SNX9: variants seen among roughly 807,000 people sequenced by gnomAD.
SNX9 encodes the protein sorting nexin-9.
SNX9 carries 44 observed loss-of-function variants against 89.4 expected under a neutral mutation model. The ratio of observed to expected loss-of-function variants is 0.49; its 90% CI spans 0.39 to 0.63. SNX9 has a LOEUF of 0.63. SNX9 is among the 30% of genes least tolerant of loss of function. The pLI is 0.00. For missense variants in SNX9, 578 were observed against 736.1 expected (o/e 0.79, Z 2.49); for synonymous variants, 236 against 247.8 (o/e 0.95, Z 0.45).
intron 4 of SNX9, among the ~76,000 whole-genome samples, chr6:157,889,983 G>A (rs540395569): frequency 6.6e-6 from 1 of 152,284 alleles, no homozygotes; most frequent in African/African-American, 2.4e-5. Context: ...GGGACTAAGA[G>A]AGCTAAGTAA....
At chr6:157,882,273 A>G (rs1433110860) in intron 4 of SNX9, among the ~76,000 whole-genome samples, 1 of 152,204 alleles carries the variant, frequency 6.6e-6, no homozygotes, top group Non-Finnish European at 1.5e-5. Context: ...TTTCAAGCCC[A>G]CTGTTGAGAC....
intron 1 of SNX9, among the ~76,000 whole-genome samples, chr6:157,835,505 C>T (rs1781565939): frequency 6.6e-6 from 1 of 151,156 alleles, no homozygotes; most frequent in South Asian, 2.1e-4. Flanking sequence ...CTTGAACTCC[C>T]ACACTGAAGC....
At chr6:157,941,122 TCTC>T (rs1583251669) in intron 17 of SNX9, 148 bp downstream of exon 17, 3 of 663,262 alleles carry the variant, frequency 4.5e-6, no homozygotes, top group East Asian at 5.6e-5. Context: ...ATTTTTTTAA[TCTC>T]CTAATTCCAT....
At chr6:157,857,065 A>G (rs1297241974) in intron 1 of SNX9, among the ~76,000 whole-genome samples, 2 of 152,186 alleles carry the variant, frequency 1.3e-5, no homozygotes, top group Non-Finnish European at 2.9e-5. Flanking sequence ...TTTATTTACC[A>G]GTTGTCAAAA....
At chr6:157,934,701 A>G (rs1282765402) in intron 13 of SNX9, among the ~76,000 whole-genome samples, 3 of 152,238 alleles carry the variant, frequency 2.0e-5, no homozygotes, top group Non-Finnish European at 2.9e-5. Context: ...AGCAATTAAG[A>G]TTTTTAAAAT....
At chr6:157,893,720 TA>T (rs1782912526) in intron 4 of SNX9, among the ~76,000 whole-genome samples, 1 of 152,124 alleles carries the variant, frequency 6.6e-6, no homozygotes, top group Non-Finnish European at 1.5e-5. Flanking sequence ...AAGGCATGAA[TA>T]ATTTTAATCA....
At chr6:157,919,740 GTT>G (rs1416090736) in intron 9 of SNX9, among the ~76,000 whole-genome samples, 3 of 151,286 alleles carry the variant, frequency 2.0e-5, no homozygotes, top group Non-Finnish European at 4.4e-5. Context: ...TCTATTGACT[GTT>G]TGTTTTTTTC....
chr6:157,939,971 G>C (rs1030365594), intron 16 of SNX9, among the ~76,000 whole-genome samples: 2 of 152,172 alleles, frequency 1.3e-5, no homozygotes, highest in Admixed American at 6.5e-5. Context: ...GCAGGGGCAG[G>C]GGGGACAGAG....
In SNX9 at chr6:157,927,180, G is replaced by A. The variant is rs751823191; in HGVS notation, c.1150G>A (p.Glu384Lys). 6.2e-7 allele frequency: 1 copy of A among 1,614,114 alleles called. No homozygotes were observed. Among genetic ancestry groups the A allele is most frequent in the Middle Eastern group, 1.7e-4 (1 of 6,060 alleles). The part of the protein sequence containing the change: ...LAGVMIFSTM[E>K]PEAPDLDLVE... The stretch of plus-strand genomic sequence containing the variant: ...GGGAGTCATGATATTTTCCACCATG[G>A]AACCAGAGGCACCTGACTTGGACTT... The change falls in exon 11 of 18, where the codon GAA becomes AAA. Residue 384 changes from glutamate (E) to lysine (K), a missense_variant. Glu to Lys is a moderately conservative substitution (Grantham distance 56). Around this residue, in one of 2 missense-constraint regions of SNX9, gnomAD observed 348 missense variants for 491.4 expected, o/e 0.71. Transcript: ENST00000392185.
chr6:157,835,890 C>T (rs781091214), intron 1 of SNX9, among the ~76,000 whole-genome samples: 3 of 152,116 alleles, frequency 2.0e-5, no homozygotes, highest in Non-Finnish European at 4.4e-5. Flanking sequence ...CAGACTAATA[C>T]AGTCTGGGAC....
intron 9 of SNX9, among the ~76,000 whole-genome samples, chr6:157,915,440 G>A (rs1173137659): frequency 6.6e-6 from 1 of 151,104 alleles, no homozygotes; most frequent in Non-Finnish European, 1.5e-5. Context: ...TTTCATTAGG[G>A]TTTTGTAGTC....
intron 16 of SNX9, among the ~76,000 whole-genome samples, chr6:157,939,798 A>G (rs948377780): frequency 1.3e-5 from 2 of 152,236 alleles, no homozygotes; most frequent in Admixed American, 6.5e-5. Flanking sequence ...GCTTTGTATA[A>G]CTTCAAGTAA....
At chr6:157,894,387 G>A (rs1271822216) in intron 4 of SNX9, among the ~76,000 whole-genome samples, 1 of 149,164 alleles carries the variant, frequency 6.7e-6, no homozygotes, top group Non-Finnish European at 1.5e-5. Context: ...TAGGATTATA[G>A]GCATGAGCCA....
At chr6:157,934,237 C>G (rs1783876022) in intron 13 of SNX9, 1 of 152,102 alleles carries the variant, frequency 6.6e-6, no homozygotes, top group East Asian at 1.9e-4. Context: ...TGCACAAAAC[C>G]ATGAAACATT....
intron 10 of SNX9, chr6:157,924,405 C>T (rs1343036066): frequency 6.6e-6 from 1 of 152,060 alleles, no homozygotes. Flanking sequence ...AGCAGACAGG[C>T]ACTTGGAAAG....
At chr6:157,903,466 AT>A (rs757909927) in intron 6 of SNX9, among the ~76,000 whole-genome samples, 10 of 152,202 alleles carry the variant, frequency 6.6e-5, no homozygotes, top group Non-Finnish European at 1.5e-4. Flanking sequence ...AAAGTGAATA[AT>A]TCTCTGTCTT....
intron 4 of SNX9, chr6:157,885,052 A>G (rs764081753): frequency 6.6e-6 from 1 of 152,174 alleles, no homozygotes; most frequent in Non-Finnish European, 1.5e-5. Flanking sequence ...TAGGACTTTG[A>G]GCTATCTGAG....
At chr6:157,832,335 C>G (rs1449210735) in intron 1 of SNX9, among the ~76,000 whole-genome samples, 2 of 152,288 alleles carry the variant, frequency 1.3e-5, no homozygotes, top group East Asian at 3.9e-4. Context: ...ATTTGAACTT[C>G]AGATGTGCCA....
chr6:157,916,016 CT>C (rs569969753), intron 9 of SNX9, among the ~76,000 whole-genome samples: 101 of 150,332 alleles, frequency 6.7e-4, no homozygotes, highest in African/African-American at 2.4e-3. Context: ...GGTATGGATT[CT>C]TTGGTTTTTT....
Sources: gnomAD v4.1 joint callset for allele counts (sites outside exome capture counted in the v4.1 genomes callset) on GRCh38, gnomAD v4.1.1 for gene constraint, gnomAD v4.1.1 regional missense constraint, MANE v1.5 for transcripts, NCBI Gene and HGNC (gene_info 2026-07-23, HGNC 2026-07-21) for gene names.